Variants in SEM1 observed in about 807,000 individuals in gnomAD.
SEM1 encodes 26S proteasome complex subunit SEM1.
In SEM1, 3 loss-of-function variants were observed where a neutral mutation model predicts 12.7. The ratio of observed to expected loss-of-function variants is 0.24; its 90% CI spans 0.11 to 0.61. The LOEUF is 0.61. Among genes scored for constraint, SEM1 ranks in the 20% least tolerant of loss-of-function variants. SEM1 has a pLI of 0.88. For synonymous variants in SEM1, 30 were observed against 27.8 expected (o/e 1.08, Z -0.25); for missense variants, 59 against 81.3 (o/e 0.73, Z 1.06).
intron 2 of SEM1, among the ~76,000 whole-genome samples, chr7:96,689,563 C>T (rs1563114255): frequency 6.6e-6 from 1 of 152,184 alleles, no homozygotes; most frequent in Non-Finnish European, 1.5e-5. Flanking sequence ...ATATGCTTTA[C>T]ATCATTACAT....
At chr7:96,594,403 C>T (rs1225032781) in intron 2 of SEM1, among the ~76,000 whole-genome samples, 2 of 149,148 alleles carry the variant, frequency 1.3e-5, no homozygotes, top group Non-Finnish European at 3.0e-5. Context: ...GAAAACCCCC[C>T]CACCATTAAA....
At chr7:96,502,320 A>T (rs59821818) in intron 3 of SEM1, among the ~76,000 whole-genome samples, 49,953 of 151,898 alleles carry the variant, frequency 0.33, 9,854 homozygotes, top group East Asian at 0.67. Context: ...TTTTCTTTGT[A>T]AGATCCTCTC....
intron 2 of SEM1, among the ~76,000 whole-genome samples, chr7:96,692,232 T>G (rs146593411): frequency 6.6e-6 from 1 of 152,286 alleles, no homozygotes; most frequent in East Asian, 1.9e-4. Flanking sequence ...TTGGTAAAAA[T>G]TATAGTATTC....
intron 2 of SEM1, among the ~76,000 whole-genome samples, chr7:96,632,284 G>A (rs918624071): frequency 1.3e-5 from 2 of 152,152 alleles, no homozygotes; most frequent in Non-Finnish European, 2.9e-5. Flanking sequence ...GGTCACAATA[G>A]CAAAGACTTG....
At chr7:96,667,444 G>T (rs758278852) in intron 2 of SEM1, among the ~76,000 whole-genome samples, 2 of 152,122 alleles carry the variant, frequency 1.3e-5, no homozygotes, top group Non-Finnish European at 2.9e-5. Flanking sequence ...CTTCAAAGGC[G>T]TAGGTTATGA....
chr7:96,596,844 A>C (rs1807012744), intron 2 of SEM1, among the ~76,000 whole-genome samples: 1 of 152,218 alleles, frequency 6.6e-6, no homozygotes, highest in Non-Finnish European at 1.5e-5. Flanking sequence ...AAATACAAAA[A>C]TATTTTCATC....
chr7:96,673,982 C>T (rs141963870), intron 2 of SEM1: 83 of 636,442 alleles, frequency 1.3e-4, no homozygotes, highest in Non-Finnish European at 2.2e-4. Flanking sequence ...GCCCCAGTCC[C>T]ATCCCCATCT....
upstream of SEM1, among the ~76,000 whole-genome samples, chr7:96,500,361 G>A (rs779497827): frequency 1.3e-5 from 2 of 152,030 alleles, no homozygotes; most frequent in South Asian, 4.2e-4. Context: ...AAAATGCTGT[G>A]ATTTCACTAC....
intron 2 of SEM1, among the ~76,000 whole-genome samples, chr7:96,531,426 C>CA (rs1445356327): frequency 2.1e-3 from 297 of 142,986 alleles, no homozygotes; most frequent in African/African-American, 7.9e-3. Context: ...AAAAAAAAAA[C>CA]AACAAAAAAA....
intron 2 of SEM1, among the ~76,000 whole-genome samples, chr7:96,612,647 A>G (rs1261459665): frequency 1.3e-5 from 2 of 152,130 alleles, no homozygotes; most frequent in Non-Finnish European, 2.9e-5. Context: ...TTTGTTGTTT[A>G]TACAGAGTCT....
chr7:96,485,923 T>C (rs1802735694), intron 2 of SEM1, among the ~76,000 whole-genome samples: 1 of 152,114 alleles, frequency 6.6e-6, no homozygotes, highest in Non-Finnish European at 1.5e-5. Context: ...TGGATTATAA[T>C]GTGGACTTTT....
intron 2 of SEM1, among the ~76,000 whole-genome samples, chr7:96,594,727 T>C (rs951145021): frequency 6.6e-6 from 1 of 152,188 alleles, no homozygotes; most frequent in Non-Finnish European, 1.5e-5. Context: ...TTCAGTATTC[T>C]CCTGATTTGA....
Position 96,709,725 on chromosome 7 carries a change from T to G in SEM1, c.39A>C (p.Leu13Phe). ...ACTCTTCAAACTCGTCGTCTTCCTC[T>G]AACAGACCTAAGTCTACCGGCTGCT... The part of the protein sequence containing the change: ...EKKQPVDLGL[L>F]EEDDEFEEFP... Residue 13 changes from leucine to phenylalanine, a missense_variant, in exon 1 of 3, where the codon TTA (leucine) becomes TTC (phenylalanine). Leu to Phe is a conservative substitution (Grantham distance 22). Coordinates refer to ENST00000248566, the MANE Select transcript of SEM1 (RefSeq NM_006304.2). The G allele has an allele frequency of 3.1e-6, 5 of 1,613,970 alleles. No individual in the cohort carries two copies. The South Asian group carries it at 4.4e-5, about 14-fold the overall frequency.
chr7:96,541,434 TTTTTTTTTG>T (rs1176760916), intron 2 of SEM1, among the ~76,000 whole-genome samples: 4 of 133,962 alleles, frequency 3.0e-5, no homozygotes, highest in South Asian at 4.8e-4. Flanking sequence ...TTAATGGGTT[TTTTTTTTTG>T]TTTTTTTTTT....
downstream of SEM1, chr7:96,673,259 G>C (rs964148127): frequency 6.5e-6 from 1 of 154,350 alleles, no homozygotes; most frequent in African/African-American, 2.4e-5. Context: ...GGGATTACAG[G>C]CATGCACCAC....
At chr7:96,496,134 C>T (rs1303336098) in intron 1 of SEM1, 1 of 502,358 alleles carries the variant, frequency 2.0e-6, no homozygotes, top group Admixed American at 3.6e-5. Flanking sequence ...ATCAGAATAC[C>T]CAGAGCTCGA....
At chr7:96,606,336 A>G (rs1807379516) in intron 2 of SEM1, among the ~76,000 whole-genome samples, 1 of 152,236 alleles carries the variant, frequency 6.6e-6, no homozygotes, top group African/African-American at 2.4e-5. Flanking sequence ...AAAAATATGG[A>G]TAGTAAATAC....
intron 2 of SEM1, among the ~76,000 whole-genome samples, chr7:96,584,687 A>C (rs1460050899): frequency 6.6e-6 from 1 of 150,808 alleles, no homozygotes; most frequent in Non-Finnish European, 1.5e-5. Flanking sequence ...TTTTTTCTCT[A>C]AACTTCCCTT....
chr7:96,559,145 A>G (rs6465524), intron 2 of SEM1, among the ~76,000 whole-genome samples: 49,254 of 152,042 alleles, frequency 0.32, 8,259 homozygotes, highest in African/African-American at 0.42. Flanking sequence ...AAACAGACTT[A>G]GGTATCCATA....
Sources: allele counts gnomAD v4.1 joint callset (sites outside exome capture counted in the v4.1 genomes callset), GRCh38; gene constraint gnomAD v4.1.1; transcripts MANE v1.5; gene names NCBI Gene and HGNC (gene_info 2026-07-23, HGNC 2026-07-21).